The following GMDS variants were observed in gnomAD, a reference collection of about 807,000 sequenced individuals.
GMDS encodes the protein GDP-mannose 4,6 dehydratase.
GMDS carries 20 observed loss-of-function variants against 49.9 expected under a neutral mutation model. The ratio of observed to expected loss-of-function variants is 0.40; its 90% confidence interval spans 0.28 to 0.58. GMDS has a LOEUF of 0.58. Among genes scored for constraint, GMDS ranks in the 20% least tolerant of loss-of-function variants. The probability of loss-of-function intolerance (pLI) is 0.42; values close to 1 mark genes in which losing one functional copy is unlikely to be tolerated. For missense variants in GMDS, 362 were observed against 481.4 expected (o/e 0.75, Z 2.32); for synonymous variants, 177 against 178.6 (o/e 0.99, Z 0.07).
At chr6:2,086,028 CAG>C (rs1467951872) in intron 4 of GMDS, among the ~76,000 whole-genome samples, 1 of 152,232 alleles carries the variant, frequency 6.6e-6, no homozygotes, top group Non-Finnish European at 1.5e-5. Context: ...CAACTCTTCA[CAG>C]AGAGTGTGGC....
intron 4 of GMDS, among the ~76,000 whole-genome samples, chr6:1,980,618 C>G (rs1581457073): frequency 6.6e-6 from 1 of 152,256 alleles, no homozygotes; most frequent in South Asian, 2.1e-4. Context: ...CTTTAACACT[C>G]CACTGATAAT....
intron 9 of GMDS, among the ~76,000 whole-genome samples, chr6:1,724,887 G>C (rs955777134): frequency 6.6e-6 from 1 of 152,166 alleles, no homozygotes; most frequent in Non-Finnish European, 1.5e-5. Context: ...CCCTGTGCCC[G>C]GACAATGCAC....
At chr6:1,697,936 C>T (rs1366677113) in intron 9 of GMDS, among the ~76,000 whole-genome samples, 6 of 152,190 alleles carry the variant, frequency 3.9e-5, no homozygotes, top group African/African-American at 7.2e-5. Flanking sequence ...AGTATGGCTG[C>T]GGACGATCAA....
At chr6:1,642,037 C>T (rs1238182654) in intron 9 of GMDS, among the ~76,000 whole-genome samples, 1 of 152,040 alleles carries the variant, frequency 6.6e-6, no homozygotes, top group Non-Finnish European at 1.5e-5. Context: ...TCAGAAAGAT[C>T]GCCCTGCGTA....
chr6:2,072,875 T>C (rs1440478238), intron 4 of GMDS, among the ~76,000 whole-genome samples: 5 of 152,204 alleles, frequency 3.3e-5, no homozygotes, highest in Admixed American at 3.3e-4. Context: ...ACTGGTAAAA[T>C]CACAAACACA....
chr6:1,762,399 G>C (rs1768194861), intron 7 of GMDS, among the ~76,000 whole-genome samples: 1 of 152,268 alleles, frequency 6.6e-6, no homozygotes, highest in Admixed American at 6.5e-5. Flanking sequence ...GTGGTCAGGA[G>C]TGAGCAGTCC....
intron 7 of GMDS, among the ~76,000 whole-genome samples, chr6:1,817,521 A>C (rs1770721103): frequency 6.6e-6 from 1 of 152,200 alleles, no homozygotes; most frequent in Non-Finnish European, 1.5e-5. Flanking sequence ...AGGAATATAC[A>C]GTTTTGCTTT....
At chr6:1,888,502 C>T (rs969729987) in intron 7 of GMDS, among the ~76,000 whole-genome samples, 1 of 152,118 alleles carries the variant, frequency 6.6e-6, no homozygotes, top group Admixed American at 6.5e-5. Flanking sequence ...GTTACCTCCA[C>T]CTGGTCTCTC....
chr6:2,228,066 G>T (rs1394504555), intron 1 of GMDS, among the ~76,000 whole-genome samples: 1 of 152,204 alleles, frequency 6.6e-6, no homozygotes, highest in Non-Finnish European at 1.5e-5. Context: ...GCTGAACCTA[G>T]ACAAAATGTA....
intron 7 of GMDS, among the ~76,000 whole-genome samples, chr6:1,928,438 C>T (rs1161508732): frequency 1.3e-5 from 2 of 151,200 alleles, no homozygotes; most frequent in African/African-American, 4.9e-5. Context: ...GAAGGCTAAA[C>T]AATAAATAGA....
chr6:2,060,957 T>C (rs1194690830), intron 4 of GMDS, among the ~76,000 whole-genome samples: 1 of 150,996 alleles, frequency 6.6e-6, no homozygotes, highest in African/African-American at 2.4e-5. Flanking sequence ...GACATGGAGG[T>C]TGCGGTGAGC....
At chr6:1,820,223 A>G (rs1333645252) in intron 7 of GMDS, among the ~76,000 whole-genome samples, 1 of 152,184 alleles carries the variant, frequency 6.6e-6, no homozygotes, top group Non-Finnish European at 1.5e-5. Context: ...TGTGTTACTG[A>G]AAGAAGAGGC....
chr6:1,859,289 A>T (rs572684922), intron 7 of GMDS, among the ~76,000 whole-genome samples: 1 of 152,298 alleles, frequency 6.6e-6, no homozygotes, highest in East Asian at 1.9e-4. Flanking sequence ...CTGCTTGGAC[A>T]ATGGCCCTCT....
intron 4 of GMDS, among the ~76,000 whole-genome samples, chr6:1,980,773 T>C (rs1380624399): frequency 6.6e-6 from 1 of 152,118 alleles, no homozygotes; most frequent in African/African-American, 2.4e-5. Flanking sequence ...ACTCTAAAAT[T>C]AATCACATAA....
intron 1 of GMDS, among the ~76,000 whole-genome samples, chr6:2,141,875 T>TCTCC (rs1054830962): frequency 1.3e-4 from 19 of 150,956 alleles, no homozygotes; most frequent in Middle Eastern, 3.2e-3. Flanking sequence ...GCTCTCTCTC[T>TCTCC]CTCTCTCTCT....
At chr6:1,742,218 C>A (rs1402338590) in intron 8 of GMDS, among the ~76,000 whole-genome samples, 1 of 151,948 alleles carries the variant, frequency 6.6e-6, no homozygotes, top group African/African-American at 2.4e-5. Flanking sequence ...CCGCGCCTGG[C>A]CAAAAACATC....
intron 1 of GMDS, among the ~76,000 whole-genome samples, chr6:2,176,360 T>A (rs1778285093): frequency 6.6e-6 from 1 of 152,162 alleles, no homozygotes; most frequent in Non-Finnish European, 1.5e-5. Context: ...GACTTTGATG[T>A]CAGAAATTTG....
intron 9 of GMDS, among the ~76,000 whole-genome samples, chr6:1,639,307 G>C (rs1482908327): frequency 1.3e-5 from 2 of 152,256 alleles, no homozygotes; most frequent in Non-Finnish European, 1.5e-5. Flanking sequence ...ACAGTGGGAC[G>C]CAGGAGGCGC....
intron 7 of GMDS, among the ~76,000 whole-genome samples, chr6:1,746,741 G>A (rs1004232874): frequency 2.6e-5 from 4 of 151,594 alleles, no homozygotes; most frequent in African/African-American, 2.4e-5. Flanking sequence ...TTGCTCTGTC[G>A]CCCAGGCTGG....
Sources: gnomAD v4.1 joint callset for allele counts (sites outside exome capture counted in the v4.1 genomes callset) on GRCh38, gnomAD v4.1.1 for gene constraint, MANE v1.5 for transcripts, NCBI Gene and HGNC (gene_info 2026-07-23, HGNC 2026-07-21) for gene names.